Variants in TARS3 observed in about 807,000 individuals in gnomAD.
TARS3 encodes threonyl-tRNA synthetase 3.
TARS3 carries 94 observed loss-of-function variants against 103.5 expected under a neutral mutation model. That is an observed-to-expected ratio of 0.91 (90% CI 0.77 to 1.08). The LOEUF (loss-of-function observed/expected upper bound fraction) is 1.08. Among genes scored for constraint, TARS3 ranks in the 50% least tolerant of loss-of-function variants. TARS3 has a pLI of 0.00. For synonymous variants in TARS3, 416 were observed against 355.4 expected, an observed-to-expected ratio of 1.17 and a Z score of -1.92; for missense variants, 952 against 995.2, an observed-to-expected ratio of 0.96 and a Z score of 0.58.
At chr15:101,670,304 A>T (rs1260270404) in intron 15 of TARS3, among the ~76,000 whole-genome samples, 5 of 152,234 alleles carry the variant, frequency 3.3e-5, no homozygotes, top group African/African-American at 1.2e-4. Context: ...TATATAAAGA[A>T]TTCTCAAAAC....
In TARS3 at chr15:101,704,967, C is replaced by G. The variant is rs138259852; in HGVS notation, c.995+716G>C. Among the ~76,000 whole-genome samples the G allele has an allele frequency of 1.9e-3, 294 of 152,156 alleles. 3 individuals carry two copies. The highest frequency in any genetic ancestry group is 6.7e-3 in the African/African-American group (278 of 41,502). The stretch of plus-strand genomic sequence containing the variant: ...GTCCTTGACTGTCGAAAGTAAGTAC[C>G]ATGAGGGAGAATATCTGTGGTTATA... On this transcript the variant is annotated intron_variant, in intron 7 of 18. Coordinates refer to ENST00000335968, the MANE Select transcript of TARS3 (RefSeq NM_152334.3).
rs2141430475 is a variant in TARS3 at position 101,702,231 on chromosome 15, G to A, written c.1221+8C>T. 1 of 1,613,998 alleles carries A rather than the reference G, an allele frequency of 6.2e-7. No individual in the cohort carries two copies. The highest frequency in any genetic ancestry group is 1.1e-5 in the South Asian group (1 of 91,064). ...TTACATCTCCAGTGATTAAGATGTG[G>A]GGCATACCTTCCCGATCTTCCTGTG... On this transcript the variant is annotated splice_region_variant and intron_variant, in intron 9 of 18. Coordinates refer to ENST00000335968, the MANE Select transcript of TARS3 (RefSeq NM_152334.3).
chr15:101,659,411 C>G (rs371150759), intron 16 of TARS3, among the ~76,000 whole-genome samples: 1 of 152,172 alleles, frequency 6.6e-6, no homozygotes, highest in African/African-American at 2.4e-5. Flanking sequence ...CTGTCCTTAT[C>G]CCATCCCCAG....
intron 3 of TARS3, among the ~76,000 whole-genome samples, chr15:101,718,630 C>A (rs1342694278): frequency 6.6e-6 from 1 of 152,124 alleles, no homozygotes; most frequent in East Asian, 1.9e-4. Context: ...GCCAGTGGAA[C>A]TGCAAGGATT....
At chr15:101,682,415 T>A (rs1385356654) in intron 12 of TARS3, among the ~76,000 whole-genome samples, 1 of 152,184 alleles carries the variant, frequency 6.6e-6, no homozygotes, top group Non-Finnish European at 1.5e-5. Flanking sequence ...TTGTTTTCTT[T>A]TTTTTAGTTT....
intron 8 of TARS3, among the ~76,000 whole-genome samples, chr15:101,703,467 G>C (rs1899384818): frequency 6.6e-6 from 1 of 152,102 alleles, no homozygotes. Context: ...GTGCAGGCCT[G>C]TAATCACAGC....
At chr15:101,664,865 T>C (rs573300506) in intron 15 of TARS3, among the ~76,000 whole-genome samples, 1 of 152,102 alleles carries the variant, frequency 6.6e-6, no homozygotes, top group Non-Finnish European at 1.5e-5. Context: ...GGAAGCAGGG[T>C]AAACACACCT....
intron 12 of TARS3, among the ~76,000 whole-genome samples, chr15:101,680,660 T>C (rs1898222782): frequency 6.6e-6 from 1 of 152,218 alleles, no homozygotes; most frequent in East Asian, 1.9e-4. Flanking sequence ...TTGTCTGTTT[T>C]CTTATTGAGG....
intron 1 of TARS3, among the ~76,000 whole-genome samples, chr15:101,723,697 CCAA>C (rs1238670746): frequency 6.6e-6 from 1 of 152,092 alleles, no homozygotes; most frequent in African/African-American, 2.4e-5. Context: ...CAAAAAAAAC[CCAA>C]CAACAAAAAA....
At chr15:101,672,910 G>A (rs1251898593) in intron 13 of TARS3, among the ~76,000 whole-genome samples, 1 of 152,080 alleles carries the variant, frequency 6.6e-6, no homozygotes, top group Non-Finnish European at 1.5e-5. Context: ...AGAATTCTGG[G>A]GACTGCAAGA....
chr15:101,698,669 T>C (rs897687186), intron 10 of TARS3, among the ~76,000 whole-genome samples: 9 of 152,228 alleles, frequency 5.9e-5, no homozygotes, highest in Non-Finnish European at 1.0e-4. Flanking sequence ...GGCTGATAGA[T>C]AACTTGAGTT....
chr15:101,700,650 T>G (rs1899221189), intron 10 of TARS3, among the ~76,000 whole-genome samples: 1 of 152,028 alleles, frequency 6.6e-6, no homozygotes, highest in Admixed American at 6.6e-5. Flanking sequence ...TCACTTTTTT[T>G]TTTTTTTTCT....
rs574051231 is a variant in TARS3, at chr15:101,708,680, G to A, written c.930+113C>T. 4.2e-5 allele frequency: 32 copies of A among 765,770 alleles called. 2 individuals carry two copies. In the East Asian group the frequency reaches 4.5e-4, roughly 11 times the overall value. 47.4% of individuals were successfully genotyped at this position (765,770 alleles called of 1,614,324 possible). On this transcript the variant is annotated intron_variant, in intron 6 of 18. Coordinates refer to ENST00000335968, the MANE Select transcript of TARS3 (RefSeq NM_152334.3). ...GTAACAACCTCACAGTAGCTTAACA[G>A]GATTGGAATAATTTGGTGAGCAACA...
At chr15:101,703,252 G>A (rs575448205) in intron 8 of TARS3, among the ~76,000 whole-genome samples, 1 of 152,222 alleles carries the variant, frequency 6.6e-6, no homozygotes, top group African/African-American at 2.4e-5. Context: ...TTACATCAGG[G>A]CTATTCAAGA....
At chr15:101,710,933 G>A (rs552616081) in intron 5 of TARS3, among the ~76,000 whole-genome samples, 6 of 152,176 alleles carry the variant, frequency 3.9e-5, no homozygotes, top group African/African-American at 9.7e-5. Flanking sequence ...CAGAGGTTTT[G>A]GTTGTGGCAG....
At chr15:101,706,479 T>C (rs1373374634) in intron 6 of TARS3, among the ~76,000 whole-genome samples, 2 of 152,168 alleles carry the variant, frequency 1.3e-5, no homozygotes, top group Admixed American at 6.5e-5. Context: ...ACTTTTAAAA[T>C]GTAGCTGCCA....
At chr15:101,674,571 C>A (rs945251621) in intron 13 of TARS3, among the ~76,000 whole-genome samples, 1 of 151,990 alleles carries the variant, frequency 6.6e-6, no homozygotes, top group Non-Finnish European at 1.5e-5. Context: ...CTTTGGGAGG[C>A]CGAGGCAGGA....
intron 3 of TARS3, among the ~76,000 whole-genome samples, chr15:101,715,727 G>A (rs546758967): frequency 6.6e-6 from 1 of 152,208 alleles, no homozygotes; most frequent in South Asian, 2.1e-4. Context: ...GCACACTGAG[G>A]TCGCCTAAGT....
chr15:101,665,064 C>G (rs777124415), intron 15 of TARS3, among the ~76,000 whole-genome samples: 3 of 152,100 alleles, frequency 2.0e-5, no homozygotes, highest in Non-Finnish European at 4.4e-5. Flanking sequence ...GAGAGATATA[C>G]AAAGAAAGAC....
Sources: gnomAD v4.1 joint callset for allele counts (sites outside exome capture counted in the v4.1 genomes callset) on GRCh38, gnomAD v4.1.1 for gene constraint, MANE v1.5 for transcripts, NCBI Gene and HGNC (gene_info 2026-07-23, HGNC 2026-07-21) for gene names.